Variants in ALS2 observed in about 807,000 individuals in gnomAD.
The protein encoded by ALS2 is alsin Rho guanine nucleotide exchange factor ALS2, also known as alsin.
Under a neutral mutation model 203.4 loss-of-function variants are expected in ALS2, and 117 were observed. That is an observed-to-expected ratio of 0.58 (90% confidence interval 0.50 to 0.67). The LOEUF (loss-of-function observed/expected upper bound fraction) is 0.67. Among genes scored for constraint, ALS2 ranks in the 30% least tolerant of loss-of-function variants. The pLI, the probability that ALS2 is intolerant of heterozygous loss-of-function variation, is 0.00. For missense variants in ALS2, 1,715 were observed against 1,989.4 expected (o/e 0.86, Z 2.62); for synonymous variants, 718 against 725.9 (o/e 0.99, Z 0.17).
intron 1 of ALS2, among the ~76,000 whole-genome samples, chr2:201,778,067 CA>C (rs1288954234): frequency 6.6e-6 from 1 of 151,890 alleles, no homozygotes; most frequent in Admixed American, 6.6e-5. Context: ...CTTGGCTCTA[CA>C]AAAATTTAGG....
intron 11 of ALS2, chr2:201,741,243 T>C (rs1298078770): frequency 6.5e-6 from 1 of 153,974 alleles, no homozygotes; most frequent in Non-Finnish European, 1.4e-5. Flanking sequence ...TTGGGTCTTT[T>C]AAAACTTCCA....
intron 4 of ALS2, 164 bp downstream of exon 4, chr2:201,760,717 T>A: frequency 7.0e-7 from 1 of 1,427,560 alleles, no homozygotes; most frequent in South Asian, 1.7e-5. Flanking sequence ...TTTGAATTAA[T>A]CCAGGTTCTT....
At position 201,723,195 on chromosome 2, in the gene ALS2, C is replaced by T. The variant is rs1040008385; in HGVS notation, c.3625-75G>A. The T allele has an allele frequency of 2.1e-5, 30 of 1,404,176 alleles. No homozygotes were observed. In the African/African-American group the frequency reaches 4.0e-4, roughly 19 times the overall value. The allele number at this position is 1,404,176 out of a possible 1,614,324, so 87.0% of individuals were successfully genotyped here. A position where few individuals can be genotyped will look rare whatever the true frequency, so the allele number is the denominator to read the frequency against. On this transcript the variant is annotated intron_variant, in intron 22 of 33. Coordinates refer to ENST00000264276, the MANE Select transcript of ALS2 (RefSeq NM_020919.4). ...CTTAAGAGTGCACGCAGTCATATCC[C>T]CAAAGCCTTATGGAATCTTAAAAGA...
Position 201,733,437 on chromosome 2 carries a change from C to T in ALS2, c.2419G>A (p.Asp807Asn), listed in dbSNP as rs1312698867. The T allele has an allele frequency of 6.2e-7, 1 of 1,612,930 alleles. No homozygotes were observed. Among genetic ancestry groups the T allele is most frequent in the African/African-American group, 1.3e-5 (1 of 74,830 alleles). ...AGCTCTTGGTTTTTATTTAGGAAAT[C>T]ACTAGAGGCAGAGGAAAAAAAAATT... Reference protein sequence around the residue: ...GFQLLAKPAIDFLNKNQELLQ... With the variant: ...GFQLLAKPAINFLNKNQELLQ... The change falls in exon 13 of 34, where the codon GAT becomes AAT. Residue 807 changes from aspartate (D) to asparagine (N), a missense_variant and splice_region_variant. By Grantham distance (23) the Asp-to-Asn change is conservative. This residue lies in a region of ALS2 where 1,227 missense variants were observed against 1,413.5 expected (regional missense o/e 0.87). Coordinates refer to ENST00000264276, the MANE Select transcript of ALS2 (RefSeq NM_020919.4).
chr2:201,743,200 G>A (rs1465699415), intron 10 of ALS2, among the ~76,000 whole-genome samples: 1 of 152,088 alleles, frequency 6.6e-6, no homozygotes, highest in Non-Finnish European at 1.5e-5. Flanking sequence ...GAGTGCAGGA[G>A]AGAGAAAGAG....
chr2:201,754,160 C>G (rs1358074433), intron 6 of ALS2, among the ~76,000 whole-genome samples: 1 of 151,958 alleles, frequency 6.6e-6, no homozygotes, highest in Admixed American at 6.6e-5. Context: ...TTATAGGAGC[C>G]CACCACCATG....
In ALS2 at chr2:201,723,347, G is replaced by A. The variant is rs758276933; in HGVS notation, c.3607C>T (p.His1203Tyr). 1.2e-6 allele frequency: 2 copies of A among 1,612,018 alleles called. No homozygotes were observed. Residue 1203 changes from histidine to tyrosine, a missense_variant, in exon 22 of 34, where the codon CAC becomes TAC. Transcript: ENST00000264276. ...CCACTCACCATCATTTTATTAAGGT[G>A]AAAGTTGCCCTCGTAGTATAATCCA... is the stretch of plus-strand genomic sequence containing the variant. ...QFGLYYEGNF[H>Y]LNKMMGNGVL...
Position 201,754,356 on chromosome 2 carries a change from CT to C in ALS2, c.1640+146del, listed in dbSNP as rs1693256216. On this transcript the variant is annotated intron_variant, in intron 6 of 33. Transcript: ENST00000264276. Reference sequence around the variant, plus strand: ...AACAAATTCAAGAGTAAAGTGACAGCTTTTTATCAGAGTTAATGGTGTGTAA... The same window carrying C: ...AACAAATTCAAGAGTAAAGTGACAGCTTTTATCAGAGTTAATGGTGTGTAA... 4.6e-6 allele frequency: 5 copies of C among 1,078,282 alleles called. No individual in the cohort carries two copies. In the South Asian group the frequency reaches 6.5e-5, roughly 14 times the overall value. The allele number at this position is 1,078,282 out of a possible 1,614,324, so 66.8% of individuals were successfully genotyped here. A position where few individuals can be genotyped will look rare whatever the true frequency, so the allele number is the denominator to read the frequency against.
chr2:201,705,513 A>T, intron 29 of ALS2, 52 bp from the exon 30 acceptor site: 2 of 1,403,840 alleles, frequency 1.4e-6, no homozygotes, highest in Non-Finnish European at 2.0e-6. Context: ...ATGGTAAACA[A>T]AATCCCATAA....
At chr2:201,712,582 G>A (rs1012627658) in intron 25 of ALS2, among the ~76,000 whole-genome samples, 58 of 152,110 alleles carry the variant, frequency 3.8e-4, no homozygotes, top group African/African-American at 1.3e-3. Flanking sequence ...AACAACGAAG[G>A]CACAGCTCAA....
chr2:201,728,905 C>A, intron 14 of ALS2, 147 bp downstream of exon 14: 1 of 1,248,908 alleles, frequency 8.0e-7, no homozygotes, highest in Non-Finnish European at 1.2e-6. Flanking sequence ...TTTAGAGTAC[C>A]CATTAGTATG....
At chr2:201,714,195 G>A (rs1291422166) in intron 25 of ALS2, among the ~76,000 whole-genome samples, 1 of 152,174 alleles carries the variant, frequency 6.6e-6, no homozygotes, top group Non-Finnish European at 1.5e-5. Context: ...ATTAAGCTTC[G>A]TAAAAGTTCC....
intron 22 of ALS2, 80 bp downstream of exon 22, chr2:201,723,250 A>G (rs1410381526): frequency 2.1e-6 from 3 of 1,423,394 alleles, no homozygotes; most frequent in Non-Finnish European, 3.0e-6. Context: ...GGTGGAAACT[A>G]ATCAAAAGAT....
intron 13 of ALS2, among the ~76,000 whole-genome samples, chr2:201,730,392 T>C (rs1201156926): frequency 6.6e-6 from 1 of 152,186 alleles, no homozygotes; most frequent in Non-Finnish European, 1.5e-5. Flanking sequence ...AATCACAGGA[T>C]AATAGAACTA....
At chr2:201,702,946 T>A (rs1171300899) in intron 33 of ALS2, among the ~76,000 whole-genome samples, 1 of 152,110 alleles carries the variant, frequency 6.6e-6, no homozygotes, top group African/African-American at 2.4e-5. Flanking sequence ...TGAAACCCCA[T>A]CTCTAATAAA....
rs763326884 is a variant in ALS2, at chr2:201,767,344, G to C, written c.60C>G (p.Val20=). The C allele has an allele frequency of 1.2e-6, 2 of 1,614,076 alleles. No individual in the cohort carries two copies. Among genetic ancestry groups the C allele is most frequent in the Non-Finnish European group, 1.7e-6 (2 of 1,180,008 alleles). ...EAEGSKERGL[V]HIWQAGSFPI... ...GAAAGGATCCTGCCTGCCAGATATG[G>C]ACCAGGCCTCTTTCCTTGGATCCTT... The change falls in exon 3 of 34, where the codon GTC becomes GTG. Residue 20 remains valine (V), a synonymous_variant. Coordinates refer to ENST00000264276, the MANE Select transcript of ALS2 (RefSeq NM_020919.4).
At chr2:201,777,036 T>C (rs13418877) in intron 1 of ALS2, among the ~76,000 whole-genome samples, 25,721 of 152,152 alleles carry the variant, frequency 0.17, 2,482 homozygotes, top group East Asian at 0.4. Flanking sequence ...AAACTCAAGA[T>C]AACTACGTTG....
Position 201,710,031 on chromosome 2 carries a change from T to C in ALS2, c.4130A>G (p.Asp1377Gly). 1 of 1,613,846 alleles carries C rather than the reference T, an allele frequency of 6.2e-7. No individual in the cohort carries two copies. The highest frequency in any genetic ancestry group is 8.5e-7 in the Non-Finnish European group (1 of 1,179,808). The change falls in exon 27 of 34, where the codon GAC becomes GGC. Residue 1377 changes from aspartate (D) to glycine (G), a missense_variant. Asp to Gly is a moderately conservative substitution (Grantham distance 94). This residue lies in a region of ALS2 where 1,227 missense variants were observed against 1,413.5 expected (regional missense o/e 0.87). Coordinates refer to ENST00000264276, the MANE Select transcript of ALS2 (RefSeq NM_020919.4). ...CCTGCCCAGGGGGTGCAGAGGAGTG[T>C]CACAGGCCTGAGTAGGAAAAGAATC... is the stretch of plus-strand genomic sequence containing the variant. ...DIRKYLIKACDTPLHPLGRLV... is the reference protein window; with the variant it reads ...DIRKYLIKACGTPLHPLGRLV...
intron 31 of ALS2, 114 bp downstream of exon 31, chr2:201,705,025 G>C (rs1195124333): frequency 3.0e-6 from 3 of 1,012,156 alleles, no homozygotes; most frequent in Non-Finnish European, 4.6e-6. Context: ...GACACCATCA[G>C]CATATAGAAT....
Sources: allele counts gnomAD v4.1 joint callset (sites outside exome capture counted in the v4.1 genomes callset), GRCh38; gene constraint gnomAD v4.1.1; regional missense constraint gnomAD v4.1.1; transcripts MANE v1.5; gene names NCBI Gene and HGNC (gene_info 2026-07-23, HGNC 2026-07-21).